CTBP2: variants seen among roughly 807,000 people sequenced by gnomAD.
CTBP2 encodes C-terminal binding protein 2, also known as C-terminal-binding protein 2.
A neutral mutation model predicts 80.3 loss-of-function variants in CTBP2; 30 were observed. That is an observed-to-expected ratio of 0.37 (90% CI 0.28 to 0.51). The LOEUF (loss-of-function observed/expected upper bound fraction) is 0.51, where lower values mean the gene tolerates loss of function less well. CTBP2 is among the 20% of genes least tolerant of loss of function. The pLI, the probability that CTBP2 is intolerant of heterozygous loss-of-function variation, is 0.93. For missense variants in CTBP2, 1,212 were observed against 1,375.3 expected (o/e 0.88, Z 1.88); for synonymous variants, 594 against 587.4 (o/e 1.01, Z -0.16).
chr10:125,106,670 C>T (rs905987159), intron 2 of CTBP2, among the ~76,000 whole-genome samples: 2 of 152,222 alleles, frequency 1.3e-5, no homozygotes, highest in Non-Finnish European at 2.9e-5. Flanking sequence ...ATGCCCTGCT[C>T]GGAGGTACCC....
At chr10:125,061,598 T>G (rs1392467138) in intron 2 of CTBP2, among the ~76,000 whole-genome samples, 1 of 152,106 alleles carries the variant, frequency 6.6e-6, no homozygotes, top group East Asian at 1.9e-4. Flanking sequence ...GATCTGGGTA[T>G]GGGAGGATAT....
At chr10:125,012,162 C>T (rs181324021) in intron 1 of CTBP2, among the ~76,000 whole-genome samples, 26 of 152,364 alleles carry the variant, frequency 1.7e-4, no homozygotes, top group Middle Eastern at 3.4e-3. Context: ...TGGTGAGACG[C>T]GCTACGTGTG....
At chr10:125,098,508 G>A (rs1190925411) in intron 2 of CTBP2, among the ~76,000 whole-genome samples, 3 of 152,102 alleles carry the variant, frequency 2.0e-5, no homozygotes, top group African/African-American at 7.2e-5. Context: ...AGGACCTGGG[G>A]ATGAGCGGGC....
chr10:125,100,546 A>G (rs1850455574), intron 2 of CTBP2: 1 of 152,260 alleles, frequency 6.6e-6, no homozygotes, highest in African/African-American at 2.4e-5. Context: ...TTTTTAATTT[A>G]ATTTTTAAAC....
At chr10:125,037,872 G>A (rs1259601945) in intron 3 of CTBP2, among the ~76,000 whole-genome samples, 1 of 152,132 alleles carries the variant, frequency 6.6e-6, no homozygotes, top group African/African-American at 2.4e-5. Context: ...CTCACACAGT[G>A]TCTATTTATA....
At chr10:125,084,339 T>C (rs1451430412) in intron 2 of CTBP2, among the ~76,000 whole-genome samples, 1 of 152,108 alleles carries the variant, frequency 6.6e-6, no homozygotes, top group East Asian at 1.9e-4. Flanking sequence ...CGGAGAACGG[T>C]CCAGTCATCC....
intron 2 of CTBP2, among the ~76,000 whole-genome samples, chr10:125,061,673 A>G (rs1590425402): frequency 6.6e-6 from 1 of 152,182 alleles, no homozygotes; most frequent in Non-Finnish European, 1.5e-5. Flanking sequence ...GAGAGCTGGT[A>G]CCACAGGCCA....
chr10:125,031,989 T>C (rs1317517737), upstream of CTBP2, among the ~76,000 whole-genome samples: 2 of 151,992 alleles, frequency 1.3e-5, no homozygotes, highest in South Asian at 2.1e-4. Flanking sequence ...ATTTCTTAAC[T>C]ATATTGTAAA....
intron 1 of CTBP2, among the ~76,000 whole-genome samples, chr10:125,018,746 C>G (rs893085055): frequency 6.6e-6 from 1 of 152,202 alleles, no homozygotes; most frequent in Non-Finnish European, 1.5e-5. Context: ...GCGGAGGCAC[C>G]GTGTTCATAT....
intron 2 of CTBP2, among the ~76,000 whole-genome samples, chr10:125,094,100 G>T (rs1029207848): frequency 5.9e-5 from 9 of 152,138 alleles, no homozygotes; most frequent in Non-Finnish European, 8.8e-5. Flanking sequence ...TAGCAGCAGG[G>T]GTGGTAACTA....
intron 1 of CTBP2, among the ~76,000 whole-genome samples, chr10:125,157,289 T>G (rs1464649425): frequency 6.6e-6 from 1 of 151,120 alleles, no homozygotes; most frequent in Admixed American, 6.6e-5. Flanking sequence ...CAAGGGTCAG[T>G]TTCAAAGCTC....
intron 1 of CTBP2, among the ~76,000 whole-genome samples, chr10:125,156,590 T>C (rs1860961940): frequency 1.3e-5 from 2 of 152,166 alleles, no homozygotes; most frequent in South Asian, 2.1e-4. Context: ...TTTCAAATAG[T>C]GTGAGCTGTT....
intron 2 of CTBP2, among the ~76,000 whole-genome samples, chr10:125,105,318 T>TA (rs1851287211): frequency 1.3e-5 from 2 of 151,974 alleles, no homozygotes; most frequent in Admixed American, 6.5e-5. Context: ...GCTGATTTTT[T>TA]AAAAAAATTT....
chr10:125,105,639 A>G (rs2135866548), intron 2 of CTBP2, among the ~76,000 whole-genome samples: 2 of 152,332 alleles, frequency 1.3e-5, no homozygotes, highest in African/African-American at 2.4e-5. Context: ...GTGTCCTTCC[A>G]TAAAGACCAA....
At chr10:125,020,659 C>T (rs982588201) in intron 1 of CTBP2, among the ~76,000 whole-genome samples, 9 of 152,210 alleles carry the variant, frequency 5.9e-5, no homozygotes, top group East Asian at 3.9e-4. Flanking sequence ...TCCTGCACCA[C>T]GCCCGGCAGA....
rs367788838 is a variant in CTBP2, at chr10:125,138,480, G to A, written c.-206+21839C>T. Among the ~76,000 whole-genome samples, 23 of 152,174 alleles carry A rather than the reference G, an allele frequency of 1.5e-4. No homozygotes were observed. The East Asian group carries it at 3.5e-3, about 23-fold the overall frequency. ...TGACCTTCGGCAGTTCAGAAACAGC[G>A]GAAGATGGACAGTCTCACGCTGAGG... On this transcript the variant is annotated intron_variant, in intron 1 of 10. Coordinates refer to the CTBP2 transcript ENST00000337195.
rs1952185098 is a variant in CTBP2 at position 124,988,714 on chromosome 10, CAT to C, written c.*802_*803del. On this transcript the variant is annotated 3_prime_UTR_variant, in exon 9 of 9. Coordinates refer to ENST00000309035, the MANE Select transcript of CTBP2 (RefSeq NM_022802.3). ...CAATGTCTAAAAAAGTGGGTTTGTT[CAT>C]AGACAATCTGACAAGTTACCATAAA... is the stretch of plus-strand genomic sequence containing the variant. 1 of 152,514 alleles carries C rather than the reference CAT, an allele frequency of 6.6e-6. No homozygotes were observed. Among genetic ancestry groups the C allele is most frequent in the Non-Finnish European group, 1.5e-5 (1 of 68,016 alleles). 9.4% of individuals were successfully genotyped at this position (152,514 alleles called of 1,614,324 possible).
intron 1 of CTBP2, among the ~76,000 whole-genome samples, chr10:125,139,073 A>T (rs555806693): frequency 6.6e-6 from 1 of 152,270 alleles, no homozygotes; most frequent in East Asian, 1.9e-4. Context: ...GGCACTCAAC[A>T]GACAGTAGAT....
chr10:125,140,905 C>T (rs930473193), intron 1 of CTBP2, among the ~76,000 whole-genome samples: 3 of 151,878 alleles, frequency 2.0e-5, no homozygotes, highest in Non-Finnish European at 4.4e-5. Flanking sequence ...TTTGGGAGGC[C>T]GAGACAGGCA....
Sources: gnomAD v4.1 joint callset for allele counts (sites outside exome capture counted in the v4.1 genomes callset) on GRCh38, gnomAD v4.1.1 for gene constraint, MANE v1.5 for transcripts, NCBI Gene and HGNC (gene_info 2026-07-23, HGNC 2026-07-21) for gene names.